The following CACNA1C variants were observed in gnomAD, a reference collection of about 807,000 sequenced individuals.
The protein encoded by CACNA1C is calcium voltage-gated channel subunit alpha1 C.
A neutral mutation model predicts 229.0 loss-of-function variants in CACNA1C; 30 were observed. That is an observed-to-expected ratio of 0.13 (90% CI 0.10 to 0.18). The LOEUF is 0.18. Among genes scored for constraint, CACNA1C ranks in the 10% least tolerant of loss-of-function variants. The probability of loss-of-function intolerance (pLI) is 1.00; values close to 1 mark genes in which losing one functional copy is unlikely to be tolerated. For synonymous variants in CACNA1C, 1,114 were observed against 1,132.5 expected (o/e 0.98, Z 0.33); for missense variants, 1,658 against 2,845.0 (o/e 0.58, Z 9.49).
At chr12:2,482,777 T>A (rs1012101904) in intron 5 of CACNA1C, among the ~76,000 whole-genome samples, 3 of 152,136 alleles carry the variant, frequency 2.0e-5, no homozygotes, top group Admixed American at 2.0e-4. Flanking sequence ...TGTTTATCTG[T>A]GCTGAACCTA....
At chr12:2,652,318 A>G (rs1020711732) in intron 32 of CACNA1C, among the ~76,000 whole-genome samples, 1 of 152,194 alleles carries the variant, frequency 6.6e-6, no homozygotes, top group African/African-American at 2.4e-5. Context: ...TGGCCATGTG[A>G]TCAGTTCCTC....
chr12:1,981,508 CTA>C (rs1006341044), intron 1 of CACNA1C, among the ~76,000 whole-genome samples: 2 of 152,160 alleles, frequency 1.3e-5, no homozygotes, highest in Non-Finnish European at 2.9e-5. Context: ...ATAAGGTAAA[CTA>C]TAAGCACAAC....
intron 5 of CACNA1C, among the ~76,000 whole-genome samples, chr12:2,462,980 T>A (rs891234241): frequency 6.7e-6 from 1 of 148,290 alleles, no homozygotes; most frequent in South Asian, 2.2e-4. Flanking sequence ...TGGTGTGATC[T>A]CGGCTCACTG....
In CACNA1C at chr12:2,677,185, G is replaced by A. The variant is rs773063881; in HGVS notation, c.4920G>A (p.Val1640=). ...AGAAGCGCAAAGAGCAGGGCCTTGTGGGCAAGCCCTCCCAGAGGAACGCGC... is the reference window on the plus strand; with the variant it reads ...AGAAGCGCAAAGAGCAGGGCCTTGTAGGCAAGCCCTCCCAGAGGAACGCGC... ...KFKKRKEQGL[V]GKPSQRNALS... is the part of the protein sequence containing the mutation. The change falls in exon 40 of 47, where the codon GTG becomes GTA. Residue 1640 remains valine, a synonymous_variant. Transcript: ENST00000399655. The surrounding 1 kb of genome is among the most constrained non-coding windows in gnomAD (Gnocchi z 7.4). The A allele has an allele frequency of 1.9e-5, 31 of 1,613,768 alleles. No homozygotes were observed. In the South Asian group the frequency reaches 3.3e-4, roughly 17 times the overall value.
chr12:2,265,261 C>T lies in CACNA1C; in HGVS notation c.477+144831C>T, dbSNP rs549552483. Reference sequence around the variant, plus strand: ...TCTGGCTATCTAGGTGAAGCACTCCCGACCCTCTGCTCCTCAACTGTAGTT... The same window carrying T: ...TCTGGCTATCTAGGTGAAGCACTCCTGACCCTCTGCTCCTCAACTGTAGTT... On this transcript the variant is annotated intron_variant, in intron 3 of 46. Coordinates refer to ENST00000399655, the MANE Select transcript of CACNA1C (RefSeq NM_000719.7). Among the ~76,000 whole-genome samples the T allele has an allele frequency of 5.3e-5, 8 of 152,272 alleles. No individual in the cohort carries two copies. The South Asian group carries it at 6.2e-4, about 12-fold the overall frequency.
Position 2,479,112 on chromosome 12 carries a change from A to G in CACNA1C, c.758-6992A>G, listed in dbSNP as rs1177729918. On this transcript the variant is annotated intron_variant, in intron 5 of 46. Coordinates refer to ENST00000399655, the MANE Select transcript of CACNA1C (RefSeq NM_000719.7). The surrounding 1 kb of genome is among the most constrained non-coding windows in gnomAD (Gnocchi z 4.3). ...TAGAATCTGCATCGCAAATCCAAGG[A>G]TAGTGAGGTTCAAGGGCAGTTATGG... Among the ~76,000 whole-genome samples, 1 of 152,130 alleles carries G rather than the reference A, an allele frequency of 6.6e-6. No individual in the cohort carries two copies. Among genetic ancestry groups the G allele is most frequent in the Non-Finnish European group, 1.5e-5 (1 of 68,020 alleles).
intron 29 of CACNA1C, among the ~76,000 whole-genome samples, chr12:2,626,336 T>G (rs923085400): frequency 1.3e-5 from 2 of 152,174 alleles, no homozygotes; most frequent in African/African-American, 2.4e-5. Context: ...AAGGGACCTC[T>G]CTGTTTGGGG....
At position 2,497,273 on chromosome 12, in the gene CACNA1C, G is replaced by A. The variant is rs373878140; in HGVS notation, c.1113+3887G>A. Among the ~76,000 whole-genome samples the A allele has an allele frequency of 1.9e-4, 29 of 152,294 alleles. 1 individual carries two copies. In the South Asian group the frequency reaches 6.0e-3, roughly 32 times the overall value. Reference sequence around the variant, plus strand: ...TACACACTGTGGGCAGTCACAATCAGGTAACAGAAATATCCATCAATTAAA... The same window carrying A: ...TACACACTGTGGGCAGTCACAATCAAGTAACAGAAATATCCATCAATTAAA... On this transcript the variant is annotated intron_variant, in intron 7 of 46. Coordinates refer to ENST00000399655, the MANE Select transcript of CACNA1C (RefSeq NM_000719.7).
intron 3 of CACNA1C, among the ~76,000 whole-genome samples, chr12:2,191,291 A>G (rs1444041842): frequency 2.0e-5 from 3 of 152,106 alleles, no homozygotes; most frequent in African/African-American, 7.2e-5. Context: ...GCGCCGGCCC[A>G]CACTCACCAG....
chr12:2,250,622 T>C (rs1253863235), intron 3 of CACNA1C, among the ~76,000 whole-genome samples: 1 of 152,160 alleles, frequency 6.6e-6, no homozygotes, highest in Non-Finnish European at 1.5e-5. Flanking sequence ...ACTGAGCCAA[T>C]GGAGCCCTGG....
intron 38 of CACNA1C, among the ~76,000 whole-genome samples, chr12:2,670,914 AAAG>A (rs540785793): frequency 7.2e-5 from 11 of 152,086 alleles, no homozygotes; most frequent in Non-Finnish European, 1.0e-4. Flanking sequence ...AAAAAAAAAA[AAAG>A]AGCAAAGGCT....
chr12:2,455,401 T>C (rs1025814202), intron 4 of CACNA1C, among the ~76,000 whole-genome samples: 16 of 152,378 alleles, frequency 1.1e-4, no homozygotes, highest in Non-Finnish European at 2.1e-4. Context: ...AAACAAGGAA[T>C]GACAAATGTC....
chr12:2,606,134 G>A (rs215990), intron 24 of CACNA1C, among the ~76,000 whole-genome samples: 30,028 of 152,016 alleles, frequency 0.2, 3,108 homozygotes, highest in East Asian at 0.28. Flanking sequence ...ACAGCATCAC[G>A]TCCCCACTGC....
At chr12:2,091,950 C>G (rs888286091) in intron 1 of CACNA1C, among the ~76,000 whole-genome samples, 4 of 152,188 alleles carry the variant, frequency 2.6e-5, no homozygotes, top group Non-Finnish European at 4.4e-5. Context: ...CTCCTGTGAC[C>G]TCACCTTTTA....
intron 9 of CACNA1C, among the ~76,000 whole-genome samples, chr12:2,521,753 C>T (rs905332352): frequency 2.0e-5 from 3 of 152,182 alleles, no homozygotes; most frequent in Non-Finnish European, 4.4e-5. Flanking sequence ...TCTCCCCTCA[C>T]CTCTCTCCGC....
intron 1 of CACNA1C, among the ~76,000 whole-genome samples, chr12:2,087,250 G>T (rs531701295): frequency 6.6e-6 from 1 of 152,176 alleles, no homozygotes; most frequent in African/African-American, 2.4e-5. Context: ...GTACCTGCTT[G>T]CCATTGCCAG....
chr12:1,981,980 T>C (rs2036279870), intron 1 of CACNA1C, among the ~76,000 whole-genome samples: 2 of 152,188 alleles, frequency 1.3e-5, no homozygotes, highest in Non-Finnish European at 2.9e-5. Flanking sequence ...AGATGTGATC[T>C]GAAAGGGTAA....
At chr12:2,599,625 C>T (rs1286888167) in intron 21 of CACNA1C, among the ~76,000 whole-genome samples, 1 of 152,166 alleles carries the variant, frequency 6.6e-6, no homozygotes, top group Admixed American at 6.5e-5. Context: ...ACGTCCCATT[C>T]CTTTCCTTCC....
chr12:2,595,830 G>A lies in CACNA1C; in HGVS notation c.2664-44G>A. On this transcript the variant is annotated intron_variant, in intron 19 of 46. Coordinates refer to ENST00000399655, the MANE Select transcript of CACNA1C (RefSeq NM_000719.7). The surrounding 1 kb of genome is among the most constrained non-coding windows in gnomAD (Gnocchi z 4.1). ...CAAGAGCCGACTGGTGCTTCCCCTT[G>A]TCTGCCTTGACTTGTCTCTCCTCCT... 2 of 1,597,006 alleles carry A rather than the reference G, an allele frequency of 1.3e-6. No homozygotes were observed. The highest frequency in any genetic ancestry group is 1.1e-5 in the South Asian group (1 of 89,266).
Sources: gnomAD v4.1 joint callset for allele counts (sites outside exome capture counted in the v4.1 genomes callset) on GRCh38, gnomAD v4.1.1 for gene constraint, Gnocchi (gnomAD v3.1) non-coding constraint, MANE v1.5 for transcripts, NCBI Gene and HGNC (gene_info 2026-07-23, HGNC 2026-07-21) for gene names.